ELOA: variants seen among roughly 807,000 people sequenced by gnomAD.
ELOA encodes elongin-A.
Under a neutral mutation model 85.2 loss-of-function variants are expected in ELOA, and 15 were observed. The ratio of observed to expected loss-of-function variants is 0.18; its 90% CI spans 0.12 to 0.27. The LOEUF (loss-of-function observed/expected upper bound fraction) is 0.27. Ranked by LOEUF, ELOA falls within the 10% of genes least tolerant of loss-of-function variation. The pLI is 1.00. For synonymous variants in ELOA, 348 were observed against 357.2 expected (o/e 0.97, Z 0.29); for missense variants, 769 against 952.7 (o/e 0.81, Z 2.54).
intron 1 of ELOA, among the ~76,000 whole-genome samples, 170 bp from the exon 2 acceptor site, chr1:23,748,851 A>C (rs1644757489): frequency 1.3e-5 from 2 of 152,198 alleles, no homozygotes; most frequent in Admixed American, 1.3e-4. Context: ...AAGAAACATA[A>C]CTTTTATGAG....
In ELOA at chr1:23,754,441, G is replaced by A. The variant is rs1213533133; in HGVS notation, c.1772G>A (p.Arg591His). 1.9e-6 allele frequency: 3 copies of A among 1,613,906 alleles called. No individual in the cohort carries two copies. The highest frequency in any genetic ancestry group is 1.7e-5 in the Admixed American group (1 of 60,012). ...AGGTGTACACCTGATCAGCTGTATC[G>A]CATAGAGGAATACAATCATGTGAGT... is the stretch of plus-strand genomic sequence containing the variant. The part of the protein sequence containing the change: ...LERCTPDQLY[R>H]IEEYNHVLIE... The change falls in exon 7 of 11, where the codon CGC becomes CAC. Residue 591 changes from arginine to histidine, a missense_variant. Transcript: ENST00000613537.
intron 1 of ELOA, 37 bp downstream of exon 1, chr1:23,743,615 GGGTCGGTGAGGGCCCCGTAAC>G: frequency 6.9e-7 from 1 of 1,457,522 alleles, no homozygotes; most frequent in East Asian, 3.0e-5. Context: ...GATGGGCGTT[GGGTCGGTGAGGGCCCCGTAAC>G]GGTCGCGGCC....
Position 23,751,213 on chromosome 1 carries a change from C to G in ELOA, c.608C>G (p.Pro203Arg). ...HYRSLEEDQE[P>R]IVSHQKPGKG... ...AGATCCCTGGAGGAGGACCAGGAGC[C>G]CATTGTTTCACACCAGAAGCCTGGG... The change falls in exon 4 of 11, where the codon CCC (proline) becomes CGC (arginine). Residue 203 changes from proline to arginine, a missense_variant. Pro to Arg is a moderately radical substitution (Grantham distance 103, BLOSUM62 -2). Transcript: ENST00000613537. The G allele has an allele frequency of 6.2e-7, 1 of 1,614,204 alleles. No homozygotes were observed.
intron 10 of ELOA, among the ~76,000 whole-genome samples, chr1:23,759,049 T>TA (rs1412075243): frequency 1.3e-5 from 2 of 150,742 alleles, no homozygotes; most frequent in South Asian, 2.1e-4. Context: ...CTACAGAAAA[T>TA]AAAAAAAAAT....
Position 23,754,350 on chromosome 1 carries a change from G to C in ELOA, c.1694-13G>C, listed in dbSNP as rs888193445. The C allele has an allele frequency of 1.6e-5, 26 of 1,614,146 alleles. No homozygotes were observed. Among genetic ancestry groups the C allele is most frequent in the Middle Eastern group, 1.6e-4 (1 of 6,062 alleles). The stretch of plus-strand genomic sequence containing the variant: ...GCTGCTACTCAGTGTCTTCACCTTT[G>C]GTTTCTCTGCAGCAATCTTTGAAGT... On this transcript the variant is annotated splice_polypyrimidine_tract_variant and intron_variant, in intron 6 of 10. Transcript: ENST00000613537.
rs757767688 is a variant in ELOA, at chr1:23,761,385, T to G, written c.*1812T>G. 6 of 152,182 alleles carry G rather than the reference T, an allele frequency of 3.9e-5. No individual in the cohort carries two copies. Among genetic ancestry groups the G allele is most frequent in the Non-Finnish European group, 5.9e-5 (4 of 68,038 alleles). 9.4% of individuals were successfully genotyped at this position (152,182 alleles called of 1,614,324 possible). On this transcript the variant is annotated 3_prime_UTR_variant, in exon 11 of 11. Transcript: ENST00000613537. ...TTTCTAGGTGTCTACCACCTTGAAT[T>G]TATCTCTTAACTGTGTGTTCAAGTC...
intron 2 of ELOA, 107 bp downstream of exon 2, chr1:23,749,184 C>G (rs1644758767): frequency 1.0e-6 from 1 of 973,642 alleles, no homozygotes; most frequent in Admixed American, 2.0e-5. Flanking sequence ...GTGAAAGAAA[C>G]CAGACACAAA....
In ELOA at chr1:23,757,104, C is replaced by G. The variant is rs1644797667; in HGVS notation, c.2236C>G (p.Pro746Ala). 3 of 1,569,806 alleles carry G rather than the reference C, an allele frequency of 1.9e-6. No individual in the cohort carries two copies. The highest frequency in any genetic ancestry group is 2.4e-5 in the South Asian group (2 of 84,204). The change falls in exon 10 of 11, where the codon CCT becomes GCT. Residue 746 changes from proline to alanine, a missense_variant. Pro to Ala is a conservative substitution (Grantham distance 27). Transcript: ENST00000613537. The stretch of plus-strand genomic sequence containing the variant: ...GGTCAGCAGCACTGTTTCCTATGAT[C>G]CTAGGAAACCCACTGTGAAGAGTAA... ...PVVSSTVSYDPRKPTVKKIAP... is the reference protein window; with the variant it reads ...PVVSSTVSYDARKPTVKKIAP...
Position 23,756,035 on chromosome 1 carries a change from G to A in ELOA, c.1972+12G>A, listed in dbSNP as rs376962424. ...CAATAAGCCCAAAGGTAACAGAGAC[G>A]GGAGAGCTGGGGGAGAACTGGCAGG... On this transcript the variant is annotated intron_variant, in intron 8 of 10. Transcript: ENST00000613537. 39 of 1,608,828 alleles carry A rather than the reference G, an allele frequency of 2.4e-5. No homozygotes were observed. In the East Asian group the frequency reaches 3.6e-4, roughly 15 times the overall value.
intron 1 of ELOA, chr1:23,744,009 G>GA (rs1644735706): frequency 6.4e-6 from 1 of 155,822 alleles, no homozygotes; most frequent in Non-Finnish European, 1.4e-5. Context: ...GTGCGTGTTC[G>GA]CTGGGAGGAG....
At chr1:23,745,836 C>T (rs1644743523) in intron 1 of ELOA, among the ~76,000 whole-genome samples, 1 of 152,192 alleles carries the variant, frequency 6.6e-6, no homozygotes, top group South Asian at 2.1e-4. Flanking sequence ...GGGTTTGATT[C>T]CACACCTGTG....
intron 5 of ELOA, 66 bp downstream of exon 5, chr1:23,752,584 C>G (rs896998555): frequency 3.4e-6 from 5 of 1,457,742 alleles, no homozygotes; most frequent in Admixed American, 4.0e-5. Flanking sequence ...AGGCAGGGTA[C>G]AGTGGCTCAC....
rs1268077704 is a variant in ELOA, at chr1:23,758,251, ATTTATTTATTTTT to A, written c.2257+1130_2257+1142del. Among the ~76,000 whole-genome samples the A allele has an allele frequency of 3.6e-3, 176 of 48,546 alleles. 3 individuals carry two copies. Among genetic ancestry groups the A allele is most frequent in the South Asian group, 0.011 (11 of 974 alleles). The allele number at this position is 48,546 out of a possible 152,430, so 31.8% of individuals were successfully genotyped here. A position where few individuals can be genotyped will look rare whatever the true frequency, so the allele number is the denominator to read the frequency against. Reference sequence around the variant, plus strand: ...TATATCTAATTGGGTCTTCCAATTTATTTATTTATTTTTTTTTTTTTTTTTTTTTTTTTTTTTT... The same window carrying A: ...TATATCTAATTGGGTCTTCCAATTTATTTTTTTTTTTTTTTTTTTTTTTTT... On this transcript the variant is annotated intron_variant, in intron 10 of 10. Transcript: ENST00000613537.
At chr1:23,759,377 G>A (rs1462005549) in intron 10 of ELOA, 135 bp from the exon 11 acceptor site, 1 of 798,100 alleles carries the variant, frequency 1.3e-6, no homozygotes, top group Non-Finnish European at 2.1e-6. Context: ...GTGAACAGAG[G>A]AGATAGTTAC....
chr1:23,756,407 G>C, intron 9 of ELOA, 22 bp downstream of exon 9: 2 of 1,549,590 alleles, frequency 1.3e-6, no homozygotes, highest in Non-Finnish European at 1.7e-6. Context: ...GTTCTTACCT[G>C]GCTTTTGTGT....
rs1049495252 is a variant in ELOA at position 23,759,691 on chromosome 1, C to T, written c.*118C>T. 20 of 1,224,512 alleles carry T rather than the reference C, an allele frequency of 1.6e-5. No homozygotes were observed. Among genetic ancestry groups the T allele is most frequent in the Admixed American group, 3.7e-5 (2 of 53,796 alleles). The allele number at this position is 1,224,512 out of a possible 1,614,324, so 75.9% of individuals were successfully genotyped here. A position where few individuals can be genotyped will look rare whatever the true frequency, so the allele number is the denominator to read the frequency against. ...TTGCTTTGTGGATCCTTTTGGTCTC[C>T]GAGTCCTGCAGTCTGCAGGTGCTGC... On this transcript the variant is annotated 3_prime_UTR_variant, in exon 11 of 11. Coordinates refer to ENST00000613537, the MANE Select transcript of ELOA (RefSeq NM_003198.3).
Position 23,743,544 on chromosome 1 carries a change from A to G in ELOA, c.41A>G (p.Gln14Arg). Residue 14 changes from glutamine to arginine, a missense_variant, in exon 1 of 11, where the codon CAG (glutamine) becomes CGG (arginine). By Grantham distance (43) the Gln-to-Arg change is conservative. Around this residue, in one of 4 missense-constraint regions of ELOA, gnomAD observed 440 missense variants for 474.0 expected, o/e 0.93. Coordinates refer to ENST00000613537, the MANE Select transcript of ELOA (RefSeq NM_003198.3). ...GCGCTCCAAGTTGTGGAGAAGCTGCAGGCGCGCCTGGCCGCGAACCCGGAC... is the reference window on the plus strand; with the variant it reads ...GCGCTCCAAGTTGTGGAGAAGCTGCGGGCGCGCCTGGCCGCGAACCCGGAC... ...ESALQVVEKL[Q>R]ARLAANPDPK... 1 of 1,497,406 alleles carries G rather than the reference A, an allele frequency of 6.7e-7. No individual in the cohort carries two copies. The highest frequency in any genetic ancestry group is 8.9e-7 in the Non-Finnish European group (1 of 1,128,514). 92.8% of individuals were successfully genotyped at this position (1,497,406 alleles called of 1,614,324 possible). A position where few individuals can be genotyped will look rare whatever the true frequency, so the allele number is the denominator to read the frequency against.
intron 3 of ELOA, among the ~76,000 whole-genome samples, chr1:23,750,416 G>A (rs985264976): frequency 1.3e-5 from 2 of 152,204 alleles, no homozygotes; most frequent in African/African-American, 2.4e-5. Flanking sequence ...TCCTGACCTC[G>A]TGATCTGCCC....
At chr1:23,758,181 G>GT (rs531129464) in intron 10 of ELOA, among the ~76,000 whole-genome samples, 236 of 129,570 alleles carry the variant, frequency 1.8e-3, no homozygotes, top group African/African-American at 6.0e-3. Context: ...CCCTCTTACT[G>GT]TTTTTTTATA....
Sources: gnomAD v4.1 joint callset for allele counts (sites outside exome capture counted in the v4.1 genomes callset) on GRCh38, gnomAD v4.1.1 for gene constraint, gnomAD v4.1.1 regional missense constraint, MANE v1.5 for transcripts, NCBI Gene and HGNC (gene_info 2026-07-23, HGNC 2026-07-21) for gene names.